ANKRD62: variants seen among roughly 807,000 people sequenced by gnomAD.
ANKRD62 encodes the protein ankyrin repeat domain 62.
A neutral mutation model predicts 98.8 loss-of-function variants in ANKRD62; 61 were observed. The observed-to-expected ratio is 0.62, with a 90% confidence interval of 0.50 to 0.76. The LOEUF (loss-of-function observed/expected upper bound fraction) is 0.76, where lower values mean the gene tolerates loss of function less well. Among genes scored for constraint, ANKRD62 ranks in the 30% least tolerant of loss-of-function variants. The pLI is 0.00. For missense variants in ANKRD62, 933 were observed against 1,082.9 expected (o/e 0.86, Z 1.94); for synonymous variants, 341 against 367.9 (o/e 0.93, Z 0.84).
At chr18:12,136,363 G>A in the ANKRD62 span, among the ~76,000 whole-genome samples, 1 of 152,026 alleles carries the variant, frequency 6.6e-6, no homozygotes, top group Non-Finnish European at 1.5e-5. Flanking sequence ...TAGATATGTG[G>A]CATTATTTCT....
intron 8 of ANKRD62, among the ~76,000 whole-genome samples, chr18:12,114,648 A>G (rs889909631): frequency 2.0e-5 from 3 of 152,176 alleles, no homozygotes; most frequent in East Asian, 3.8e-4. Flanking sequence ...CTTGCGCAGT[A>G]TGTCCCAAAA....
intron 7 of ANKRD62, among the ~76,000 whole-genome samples, chr18:12,106,323 A>G (rs1909412580): frequency 1.3e-5 from 2 of 152,164 alleles, no homozygotes; most frequent in South Asian, 4.1e-4. Flanking sequence ...CCAAAGTAGC[A>G]ACATGATTTC....
At position 12,107,102 on chromosome 18, in the gene ANKRD62, A is replaced by G. The variant is rs184278218; in HGVS notation, c.892-193A>G. 5.6e-3 allele frequency among the ~76,000 whole-genome samples: 829 copies of G among 149,364 alleles called. 2 individuals carry two copies. The highest frequency in any genetic ancestry group is 8.9e-3 in the Non-Finnish European group (597 of 67,374). ...ATTTTATTCACTCAAACAGAAATAA[A>G]TCAGACTTTATATGAATTTCAATAA... On this transcript the variant is annotated intron_variant, in intron 7 of 13. Transcript: ENST00000587848.
At chr18:12,109,105 G>A (rs141050825) in intron 8 of ANKRD62, among the ~76,000 whole-genome samples, 258 of 152,264 alleles carry the variant, frequency 1.7e-3, no homozygotes, top group African/African-American at 5.9e-3. Context: ...ACAGCTCTTC[G>A]AAGCAGTGCC....
At chr18:12,127,349 A>T (rs1379668581) in intron 13 of ANKRD62, among the ~76,000 whole-genome samples, 1 of 152,198 alleles carries the variant, frequency 6.6e-6, no homozygotes, top group South Asian at 2.1e-4. Flanking sequence ...TGTTGGAAGG[A>T]TTTGAGCTGG....
chr18:12,167,971 T>TG, the ANKRD62 span, among the ~76,000 whole-genome samples: 1 of 152,222 alleles, frequency 6.6e-6, no homozygotes. Flanking sequence ...CACTTTTTGA[T>TG]GGGGTTGTTT....
At chr18:12,166,635 T>G in the ANKRD62 span, among the ~76,000 whole-genome samples, 16 of 152,168 alleles carry the variant, frequency 1.1e-4, no homozygotes, top group African/African-American at 3.9e-4. Context: ...CCTTGGTGCC[T>G]TATTTAGTTC....
At chr18:12,170,504 A>T in the ANKRD62 span, among the ~76,000 whole-genome samples, 1 of 152,190 alleles carries the variant, frequency 6.6e-6, no homozygotes, top group Non-Finnish European at 1.5e-5. Context: ...ACAGTTTGTT[A>T]TAATTTCTGT....
chr18:12,133,744 G>T (rs1291502385), downstream of ANKRD62, among the ~76,000 whole-genome samples: 2 of 151,976 alleles, frequency 1.3e-5, no homozygotes, highest in Non-Finnish European at 2.9e-5. Context: ...TGATTTGTAA[G>T]AGTTCTTTAT....
At chr18:12,164,306 C>A in the ANKRD62 span, among the ~76,000 whole-genome samples, 4 of 151,908 alleles carry the variant, frequency 2.6e-5, no homozygotes, top group African/African-American at 9.7e-5. Flanking sequence ...ATGGTAGCCA[C>A]TAACAATCTT....
chr18:12,172,251 G>A, the ANKRD62 span, among the ~76,000 whole-genome samples: 5 of 152,296 alleles, frequency 3.3e-5, no homozygotes, highest in East Asian at 7.7e-4. Flanking sequence ...TTTCTGCTCT[G>A]GTTTCTCCCC....
intron 13 of ANKRD62, 38 bp downstream of exon 13, chr18:12,126,421 T>C: frequency 7.0e-7 from 1 of 1,430,250 alleles, no homozygotes; most frequent in Non-Finnish European, 9.3e-7. Context: ...TCAAACTTCC[T>C]GAAGTAAAAT....
chr18:12,170,480 C>T, the ANKRD62 span, among the ~76,000 whole-genome samples: 1 of 152,176 alleles, frequency 6.6e-6, no homozygotes, highest in African/African-American at 2.4e-5. Flanking sequence ...TTTTATTGCA[C>T]TGTGGTCTGA....
the ANKRD62 span, among the ~76,000 whole-genome samples, chr18:12,139,440 C>A: frequency 1.3e-5 from 2 of 151,732 alleles, no homozygotes; most frequent in Non-Finnish European, 2.9e-5. Flanking sequence ...GTCAGGAGAT[C>A]GAGACCATCC....
At position 12,095,468 on chromosome 18, in the gene ANKRD62, C is replaced by A; in HGVS notation, c.365C>A (p.Ser122Tyr). The A allele has an allele frequency of 6.3e-7, 1 of 1,576,260 alleles. No homozygotes were observed. Among genetic ancestry groups the A allele is most frequent in the Non-Finnish European group, 8.6e-7 (1 of 1,166,176 alleles). Residue 122 changes from serine (S) to tyrosine (Y), a missense_variant, in exon 3 of 14, where the codon TCC (serine) becomes TAC (tyrosine). Around this residue, in one of 3 missense-constraint regions of ANKRD62, gnomAD observed 549 missense variants for 587.9 expected, o/e 0.93. Coordinates refer to ENST00000587848, the MANE Select transcript of ANKRD62 (RefSeq NM_001277333.2). ...AVQCQEEVCASILLEHGANPN... is the reference protein window; with the variant it reads ...AVQCQEEVCAYILLEHGANPN... ...CAATGTCAAGAAGAAGTTTGTGCATCCATCCTGCTGGAACATGGCGCCAAC... is the reference window on the plus strand; with the variant it reads ...CAATGTCAAGAAGAAGTTTGTGCATACATCCTGCTGGAACATGGCGCCAAC...
intron 5 of ANKRD62, among the ~76,000 whole-genome samples, chr18:12,098,151 T>C (rs1909222161): frequency 6.6e-6 from 1 of 152,206 alleles, no homozygotes; most frequent in Admixed American, 6.5e-5. Context: ...AGCCCCTTTA[T>C]ATCTTATGTA....
rs1298929902 is a variant in ANKRD62 at position 12,115,133 on chromosome 18, G to A, written c.1098+12G>A. Reference sequence around the variant, plus strand: ...ATGAAAAGAGCAAGGTATTATAAAAGTAAATTGTCAAGAATGCTGTTGAAC... The same window carrying A: ...ATGAAAAGAGCAAGGTATTATAAAAATAAATTGTCAAGAATGCTGTTGAAC... On this transcript the variant is annotated intron_variant, in intron 9 of 13. Coordinates refer to ENST00000587848, the MANE Select transcript of ANKRD62 (RefSeq NM_001277333.2). 2 of 1,399,378 alleles carry A rather than the reference G, an allele frequency of 1.4e-6. No homozygotes were observed. The highest frequency in any genetic ancestry group is 3.6e-5 in the South Asian group (2 of 55,280). 86.7% of individuals were successfully genotyped at this position (1,399,378 alleles called of 1,614,324 possible).
chr18:12,153,033 A>G, the ANKRD62 span, among the ~76,000 whole-genome samples: 2 of 152,236 alleles, frequency 1.3e-5, no homozygotes, highest in Admixed American at 6.5e-5. Context: ...TGAGAACGAA[A>G]TCAGGAATTC....
At chr18:12,118,052 G>A (rs944760673) in intron 10 of ANKRD62, among the ~76,000 whole-genome samples, 1 of 152,106 alleles carries the variant, frequency 6.6e-6, no homozygotes, top group Non-Finnish European at 1.5e-5. Context: ...TGTAATGGAT[G>A]AGCCTACATT....
Sources: gnomAD v4.1 joint callset for allele counts (sites outside exome capture counted in the v4.1 genomes callset) on GRCh38, gnomAD v4.1.1 for gene constraint, gnomAD v4.1.1 regional missense constraint, MANE v1.5 for transcripts, NCBI Gene and HGNC (gene_info 2026-07-23, HGNC 2026-07-21) for gene names.